Variants in FBXO4 observed in about 807,000 individuals in gnomAD.
The protein encoded by FBXO4 is F-box protein 4, also known as F-box only protein 4.
FBXO4 carries 36 observed loss-of-function variants against 43.7 expected under a neutral mutation model. That is an observed-to-expected ratio of 0.82 (90% CI 0.63 to 1.09). The LOEUF (loss-of-function observed/expected upper bound fraction) is 1.09. FBXO4 is among the 50% of genes least tolerant of loss of function. The pLI is 0.00. For missense variants in FBXO4, 435 were observed against 474.1 expected, an observed-to-expected ratio of 0.92 and a Z score of 0.77; for synonymous variants, 180 against 165.6, an observed-to-expected ratio of 1.09 and a Z score of -0.67.
At chr5:41,980,921 G>A in the FBXO4 span, among the ~76,000 whole-genome samples, 1 of 151,782 alleles carries the variant, frequency 6.6e-6, no homozygotes. Context: ...GAGAACTACT[G>A]CTAACATTCA....
downstream of FBXO4, among the ~76,000 whole-genome samples, chr5:41,946,436 C>T (rs1280340531): frequency 2.0e-5 from 3 of 152,050 alleles, no homozygotes; most frequent in Admixed American, 6.6e-5. Flanking sequence ...TTTAGCTGGT[C>T]GAATAATATG....
chr5:41,987,535 A>G, the FBXO4 span, among the ~76,000 whole-genome samples: 2 of 152,320 alleles, frequency 1.3e-5, no homozygotes, highest in Admixed American at 6.5e-5. Context: ...TGTGAGGAAT[A>G]TTACTGTAGA....
At chr5:42,025,283 G>T in the FBXO4 span, among the ~76,000 whole-genome samples, 20 of 151,944 alleles carry the variant, frequency 1.3e-4, no homozygotes, top group African/African-American at 4.8e-4. Context: ...TTGTAGTTTT[G>T]ATTTGCATTC....
At chr5:41,935,518 G>C (rs148463890) in intron 5 of FBXO4, among the ~76,000 whole-genome samples, 1 of 152,226 alleles carries the variant, frequency 6.6e-6, no homozygotes, top group African/African-American at 2.4e-5. Flanking sequence ...GGAGGAGCAG[G>C]AATTCCACTT....
In FBXO4 at chr5:41,939,492, C is replaced by G; in HGVS notation, c.950C>G (p.Ala317Gly). 6.2e-7 allele frequency: 1 copy of G among 1,613,716 alleles called. No homozygotes were observed. Among genetic ancestry groups the G allele is most frequent in the Non-Finnish European group, 8.5e-7 (1 of 1,179,772 alleles). The change falls in exon 6 of 7, where the codon GCC becomes GGC. Residue 317 changes from alanine to glycine, a missense_variant. Physicochemically the swap from Ala to Gly is moderately conservative, Grantham distance 60. Transcript: ENST00000281623. The stretch of plus-strand genomic sequence containing the variant: ...CATATTATGGCAATGACAGATCCAG[C>G]CTTTGGGTCTTCGGGAAGACCATTG... ...FSHIMAMTDP[A>G]FGSSGRPLLV...
chr5:41,937,104 A>G (rs1170859132), intron 5 of FBXO4, among the ~76,000 whole-genome samples: 1 of 152,218 alleles, frequency 6.6e-6, no homozygotes, highest in African/African-American at 2.4e-5. Flanking sequence ...GGGGAAAAGG[A>G]ATTTTTGAAC....
downstream of FBXO4, among the ~76,000 whole-genome samples, chr5:41,946,195 T>TTA (rs1752075563): frequency 6.6e-6 from 1 of 152,216 alleles, no homozygotes; most frequent in African/African-American, 2.4e-5. Context: ...GTGTGTCTAT[T>TTA]ATTTCCCGAC....
At chr5:41,931,181 G>T (rs1751676761) in intron 3 of FBXO4, among the ~76,000 whole-genome samples, 1 of 152,188 alleles carries the variant, frequency 6.6e-6, no homozygotes, top group Non-Finnish European at 1.5e-5. Flanking sequence ...AGGGGCTAAA[G>T]ATATGGAGAC....
At chr5:42,001,870 T>C in the FBXO4 span, among the ~76,000 whole-genome samples, 5 of 152,046 alleles carry the variant, frequency 3.3e-5, no homozygotes, top group African/African-American at 1.2e-4. Flanking sequence ...TTTGTATTTT[T>C]AGTAGAGGTG....
At chr5:41,961,926 G>A in the FBXO4 span, among the ~76,000 whole-genome samples, 1 of 152,202 alleles carries the variant, frequency 6.6e-6, no homozygotes, top group African/African-American at 2.4e-5. Flanking sequence ...AACAGCCTTT[G>A]TCTTTCTTCT....
the FBXO4 span, among the ~76,000 whole-genome samples, chr5:41,952,951 TC>T: frequency 6.6e-6 from 1 of 152,222 alleles, no homozygotes; most frequent in African/African-American, 2.4e-5. Context: ...TCAGTTTTTT[TC>T]TTTTTTTATG....
At chr5:41,986,026 G>A in the FBXO4 span, among the ~76,000 whole-genome samples, 5 of 152,040 alleles carry the variant, frequency 3.3e-5, no homozygotes, top group African/African-American at 4.8e-5. Flanking sequence ...AGAGTGAAAG[G>A]TTAGACATTT....
Position 41,925,486 on chromosome 5 carries a change from G to A in FBXO4, c.177G>A (p.Leu59=). Residue 59 remains leucine, a synonymous_variant, in exon 1 of 7, where the codon CTG becomes CTA. Coordinates refer to ENST00000281623, the MANE Select transcript of FBXO4 (RefSeq NM_012176.3). ...REEVDEAAST[L]TRLPIDVQLY... is the part of the protein sequence containing the mutation. ...AGGTGGATGAGGCGGCCAGCACCCT[G>A]ACGCGGCTGCCGGTGAGCGTCGGCC... 2 of 1,312,722 alleles carry A rather than the reference G, an allele frequency of 1.5e-6. No homozygotes were observed. The highest frequency in any genetic ancestry group is 3.1e-5 in the East Asian group (1 of 31,914). The allele number at this position is 1,312,722 out of a possible 1,614,324, so 81.3% of individuals were successfully genotyped here. A position where few individuals can be genotyped will look rare whatever the true frequency, so the allele number is the denominator to read the frequency against.
the FBXO4 span, among the ~76,000 whole-genome samples, chr5:41,992,161 C>T: frequency 6.6e-6 from 1 of 152,114 alleles, no homozygotes; most frequent in African/African-American, 2.4e-5. Flanking sequence ...AAATAACACA[C>T]TGGTTTATTT....
chr5:41,971,233 T>A, the FBXO4 span, among the ~76,000 whole-genome samples: 1 of 136,728 alleles, frequency 7.3e-6, no homozygotes, highest in African/African-American at 2.7e-5. Context: ...TGTGTGTGTG[T>A]ATGTGTGTGT....
chr5:41,960,383 T>C, the FBXO4 span, among the ~76,000 whole-genome samples: 1 of 152,168 alleles, frequency 6.6e-6, no homozygotes, highest in Non-Finnish European at 1.5e-5. Context: ...ATTCCAGTAC[T>C]ATATTGAACA....
At chr5:42,020,446 A>G in the FBXO4 span, among the ~76,000 whole-genome samples, 1 of 152,234 alleles carries the variant, frequency 6.6e-6, no homozygotes, top group East Asian at 1.9e-4. Flanking sequence ...GTAACATGAT[A>G]GAAACTGCTG....
chr5:42,016,165 A>G, the FBXO4 span, among the ~76,000 whole-genome samples: 54 of 152,276 alleles, frequency 3.5e-4, no homozygotes, highest in Admixed American at 3.1e-3. Context: ...GCCATTCCCA[A>G]TTCCCTTTTC....
Position 41,934,285 on chromosome 5 carries a change from T to C in FBXO4, c.875T>C (p.Val292Ala). ...GAAGTTGTAGATGGGTTCATCTATG[T>C]TGCAAATGCTGAAGCTCATAAAAGT... ...VCEVVDGFIY[V>A]ANAEAHKRHE... The change falls in exon 5 of 7, where the codon GTT becomes GCT. Residue 292 changes from valine to alanine, a missense_variant. Transcript: ENST00000281623. The C allele has an allele frequency of 6.2e-7, 1 of 1,614,182 alleles. No individual in the cohort carries two copies. Among genetic ancestry groups the C allele is most frequent in the African/African-American group, 1.3e-5 (1 of 75,074 alleles).
Sources: allele counts gnomAD v4.1 joint callset (sites outside exome capture counted in the v4.1 genomes callset), GRCh38; gene constraint gnomAD v4.1.1; transcripts MANE v1.5; gene names NCBI Gene and HGNC (gene_info 2026-07-23, HGNC 2026-07-21).